The following EML1 variants were observed in gnomAD, a reference collection of about 807,000 sequenced individuals.
EML1 encodes echinoderm microtubule-associated protein-like 1.
In EML1, 27 loss-of-function variants were observed where a neutral mutation model predicts 110.4. That is an observed-to-expected ratio of 0.24 (90% CI 0.18 to 0.34). The LOEUF (loss-of-function observed/expected upper bound fraction) is 0.34, where lower values mean the gene tolerates loss of function less well. EML1 is among the 10% of genes least tolerant of loss of function. The probability of loss-of-function intolerance (pLI) is 1.00; values close to 1 mark genes in which losing one functional copy is unlikely to be tolerated. For missense variants in EML1, 741 were observed against 1,030.9 expected (o/e 0.72, Z 3.85); for synonymous variants, 344 against 385.8 (o/e 0.89, Z 1.27).
chr14:99,846,049 CAAAAA>C (rs540638774), intron 1 of EML1, among the ~76,000 whole-genome samples: 1 of 53,212 alleles, frequency 1.9e-5, no homozygotes. Flanking sequence ...GACTCTGTCT[CAAAAA>C]AAAAAAAAAA....
intron 1 of EML1, among the ~76,000 whole-genome samples, chr14:99,747,731 A>G (rs1350071866): frequency 6.6e-6 from 1 of 152,112 alleles, no homozygotes; most frequent in Non-Finnish European, 1.5e-5. Context: ...GCTCGGAGTA[A>G]GGACACCTGC....
chr14:99,899,168 G>T (rs930950549), intron 8 of EML1, among the ~76,000 whole-genome samples: 4 of 144,792 alleles, frequency 2.8e-5, no homozygotes, highest in African/African-American at 1.0e-4. Context: ...TATATAGCTT[G>T]TTATTGCATA....
intron 10 of EML1, among the ~76,000 whole-genome samples, chr14:99,908,219 T>C (rs556310472): frequency 6.6e-6 from 1 of 152,328 alleles, no homozygotes; most frequent in South Asian, 2.1e-4. Context: ...AGCCCCGAGC[T>C]AAACCCCAAA....
intron 1 of EML1, among the ~76,000 whole-genome samples, chr14:99,805,603 T>C (rs528410093): frequency 2.0e-5 from 3 of 152,234 alleles, no homozygotes; most frequent in Non-Finnish European, 4.4e-5. Flanking sequence ...GCCTCCTAAG[T>C]AGCTGGGACT....
intron 1 of EML1, among the ~76,000 whole-genome samples, chr14:99,819,658 C>T (rs531538385): frequency 3.9e-4 from 60 of 152,268 alleles, no homozygotes; most frequent in African/African-American, 1.4e-3. Flanking sequence ...TGTTCACTCT[C>T]GTCTTAGAGC....
At chr14:99,739,369 A>C (rs2057014682) in intron 1 of EML1, among the ~76,000 whole-genome samples, 1 of 152,166 alleles carries the variant, frequency 6.6e-6, no homozygotes, top group South Asian at 2.1e-4. Context: ...CAGTTTGTAA[A>C]GCCACCCGCA....
intron 1 of EML1, among the ~76,000 whole-genome samples, chr14:99,794,446 C>T (rs1001566934): frequency 6.6e-6 from 1 of 151,830 alleles, no homozygotes; most frequent in Non-Finnish European, 1.5e-5. Context: ...TAAGTGCAGT[C>T]GGAATAATTT....
chr14:99,914,863 T>G, intron 15 of EML1, 166 bp downstream of exon 15: 1 of 873,964 alleles, frequency 1.1e-6, no homozygotes, highest in Non-Finnish European at 1.7e-6. Flanking sequence ...CAGTGTTACT[T>G]TTAACATTGC....
At chr14:99,770,397 A>G (rs1288167334), upstream of EML1, among the ~76,000 whole-genome samples, 1 of 151,112 alleles carries the variant, frequency 6.6e-6, no homozygotes, top group Non-Finnish European at 1.5e-5. Context: ...CTATCTATCT[A>G]TCTATCTATC....
chr14:99,786,863 G>GTAA lies in EML1; in HGVS notation c.-27+12851_-27+12853dup, dbSNP rs1376803319. ...CCCTGGAGTAATGAAGCAGGGCTGG[G>GTAA]TAAACCAGGACACAGGCTACTGTTG... is the stretch of plus-strand genomic sequence containing the variant. On this transcript the variant is annotated intron_variant, in intron 1 of 22. Transcript: ENST00000327921. Among the ~76,000 whole-genome samples, 64 of 152,302 alleles carry GTAA rather than the reference G, an allele frequency of 4.2e-4. 1 individual carries two copies. Among genetic ancestry groups the GTAA allele is most frequent in the African/African-American group, 1.4e-3 (60 of 41,564 alleles).
chr14:99,796,114 A>G (rs113906916), intron 1 of EML1, among the ~76,000 whole-genome samples: 22,863 of 150,548 alleles, frequency 0.15, 2,003 homozygotes, highest in East Asian at 0.38. Context: ...TTGAGCCCAG[A>G]AGTTTGAAGC....
At chr14:99,786,116 A>G (rs2057597657) in intron 1 of EML1, among the ~76,000 whole-genome samples, 1 of 151,900 alleles carries the variant, frequency 6.6e-6, no homozygotes, top group African/African-American at 2.4e-5. Context: ...CAATAGAATC[A>G]TAATATTCAG....
intron 1 of EML1, among the ~76,000 whole-genome samples, chr14:99,746,244 G>C (rs2057106666): frequency 6.6e-6 from 1 of 152,046 alleles, no homozygotes; most frequent in Non-Finnish European, 1.5e-5. Context: ...CCCCAACCTG[G>C]GGTCACCCAC....
intron 3 of EML1, among the ~76,000 whole-genome samples, chr14:99,874,459 T>G (rs775356747): frequency 9.2e-5 from 14 of 152,182 alleles, no homozygotes; most frequent in Non-Finnish European, 1.8e-4. Flanking sequence ...AGAGCATTAT[T>G]TTTCACTCGC....
chr14:99,882,046 AC>A (rs1341596265), intron 4 of EML1, among the ~76,000 whole-genome samples: 1 of 152,210 alleles, frequency 6.6e-6, no homozygotes, highest in Non-Finnish European at 1.5e-5. Flanking sequence ...GTAACAAGCC[AC>A]AAAATTTTAA....
chr14:99,920,911 T>TG, intron 17 of EML1, 34 bp downstream of exon 17: 1 of 1,583,400 alleles, frequency 6.3e-7, no homozygotes, highest in Non-Finnish European at 8.6e-7. Context: ...CTTTATTTTT[T>TG]TAATCAACTT....
chr14:99,769,528 C>G (rs898115751), upstream of EML1, among the ~76,000 whole-genome samples: 2 of 152,230 alleles, frequency 1.3e-5, no homozygotes, highest in Non-Finnish European at 2.9e-5. Context: ...CAGGGCCATG[C>G]ATTTAGAGCA....
At chr14:99,868,032 A>T (rs1957510) in intron 3 of EML1, among the ~76,000 whole-genome samples, 9 of 151,892 alleles carry the variant, frequency 5.9e-5, no homozygotes, top group South Asian at 2.1e-4. Context: ...CATGAAAAGG[A>T]GTTGAATTTT....
intron 2 of EML1, among the ~76,000 whole-genome samples, chr14:99,861,415 T>G (rs1368009533): frequency 6.6e-6 from 1 of 152,192 alleles, no homozygotes; most frequent in Non-Finnish European, 1.5e-5. Context: ...TACACAGTTT[T>G]GTTGTTGGTA....
Sources: gnomAD v4.1 joint callset for allele counts (sites outside exome capture counted in the v4.1 genomes callset) on GRCh38, gnomAD v4.1.1 for gene constraint, MANE v1.5 for transcripts, NCBI Gene and HGNC (gene_info 2026-07-23, HGNC 2026-07-21) for gene names.